RPA1: variants seen among roughly 807,000 people sequenced by gnomAD.
The protein encoded by RPA1 is replication protein A1.
RPA1 carries 49 observed loss-of-function variants against 83.0 expected under a neutral mutation model. That is an observed-to-expected ratio of 0.59 (90% CI 0.47 to 0.75). The LOEUF is 0.75. RPA1 is among the 30% of genes least tolerant of loss of function. The pLI, the probability that RPA1 is intolerant of heterozygous loss-of-function variation, is 0.00. For missense variants in RPA1, 693 were observed against 776.1 expected, an observed-to-expected ratio of 0.89 and a Z score of 1.27; for synonymous variants, 279 against 281.8, an observed-to-expected ratio of 0.99 and a Z score of 0.10.
At position 1,898,553 on chromosome 17, in the gene RPA1, G is replaced by C. The variant is rs1597467277; in HGVS notation, c.*1378G>C. 1 of 152,350 alleles carries C rather than the reference G, an allele frequency of 6.6e-6. No individual in the cohort carries two copies. The highest frequency in any genetic ancestry group is 1.9e-4 in the East Asian group (1 of 5,186). 9.4% of individuals were successfully genotyped at this position (152,350 alleles called of 1,614,324 possible). A position where few individuals can be genotyped will look rare whatever the true frequency, so the allele number is the denominator to read the frequency against. On this transcript the variant is annotated 3_prime_UTR_variant, in exon 17 of 17. Transcript: ENST00000254719. ...TCACTCTGCAGCCAGAGGACCTGCT[G>C]TTCATCACTGCACATGCCGCCTGCG...
chr17:1,875,733 C>G lies in RPA1; in HGVS notation c.527C>G (p.Thr176Ser). Residue 176 changes from threonine to serine, a missense_variant, in exon 7 of 17, where the codon ACT becomes AGT. Coordinates refer to ENST00000254719, the MANE Select transcript of RPA1 (RefSeq NM_002945.5). ...GCTGCAGGTCCCAGCCTGTCACACACTTCTGGGGGAACACAGTCCAAAGTG... is the reference window on the plus strand; with the variant it reads ...GCTGCAGGTCCCAGCCTGTCACACAGTTCTGGGGGAACACAGTCCAAAGTG... ...GKAAGPSLSHTSGGTQSKVVP... is the reference protein window; with the variant it reads ...GKAAGPSLSHSSGGTQSKVVP... 1 of 1,614,198 alleles carries G rather than the reference C, an allele frequency of 6.2e-7. No homozygotes were observed. The highest frequency in any genetic ancestry group is 8.5e-7 in the Non-Finnish European group (1 of 1,180,034).
At chr17:1,839,366 G>A (rs9900631) in intron 1 of RPA1, among the ~76,000 whole-genome samples, 2,493 of 149,084 alleles carry the variant, frequency 0.017, 63 homozygotes, top group African/African-American at 0.056. Context: ...TAGCTCTGTC[G>A]CCAGGCTGGA....
At chr17:1,862,082 C>T (rs1438533085) in intron 5 of RPA1, among the ~76,000 whole-genome samples, 2 of 150,730 alleles carry the variant, frequency 1.3e-5, no homozygotes, top group Non-Finnish European at 3.0e-5. Flanking sequence ...TCAGTAGAGA[C>T]GGGGTTTCAC....
chr17:1,899,822 T>A lies in RPA1; in HGVS notation c.*2647T>A, dbSNP rs1369335520. Reference sequence around the variant, plus strand: ...TTTATAGAGGATGAAACAGGTTGTTTGGTCTCCTTTTCTTCTTTTCACCTG... The same window carrying A: ...TTTATAGAGGATGAAACAGGTTGTTAGGTCTCCTTTTCTTCTTTTCACCTG... On this transcript the variant is annotated 3_prime_UTR_variant, in exon 17 of 17. Transcript: ENST00000254719. 1 of 152,228 alleles carries A rather than the reference T, an allele frequency of 6.6e-6. No homozygotes were observed. Among genetic ancestry groups the A allele is most frequent in the African/African-American group, 2.4e-5 (1 of 41,466 alleles). The allele number at this position is 152,228 out of a possible 1,614,324, so 9.4% of individuals were successfully genotyped here. A position where few individuals can be genotyped will look rare whatever the true frequency, so the allele number is the denominator to read the frequency against.
chr17:1,831,667 C>T (rs1344720522), intron 1 of RPA1, among the ~76,000 whole-genome samples: 14 of 149,482 alleles, frequency 9.4e-5, no homozygotes, highest in African/African-American at 2.7e-4. Context: ...GGCGCGATCT[C>T]GGCTCACTGC....
At chr17:1,843,827 C>A in intron 2 of RPA1, 93 bp from the exon 3 acceptor site, 2 of 934,100 alleles carry the variant, frequency 2.1e-6, no homozygotes, top group Non-Finnish European at 1.7e-6. Context: ...TTGTGTTGAA[C>A]TAATGGCAAA....
intron 1 of RPA1, among the ~76,000 whole-genome samples, chr17:1,840,585 A>AT (rs1055701364): frequency 6.6e-6 from 1 of 151,684 alleles, no homozygotes; most frequent in Non-Finnish European, 1.5e-5. Context: ...CACCTGGCTA[A>AT]TTTTTTATAG....
At chr17:1,874,009 A>AT (rs2151284646) in intron 6 of RPA1, among the ~76,000 whole-genome samples, 1 of 100,278 alleles carries the variant, frequency 1.0e-5, no homozygotes, top group African/African-American at 4.8e-5. Flanking sequence ...AAAAAAAAAA[A>AT]AAAATATATA....
chr17:1,859,535 CTTA>C (rs1912858050), intron 5 of RPA1, among the ~76,000 whole-genome samples: 3 of 152,094 alleles, frequency 2.0e-5, no homozygotes, highest in Admixed American at 2.0e-4. Context: ...TGAGTTGACT[CTTA>C]TTATTATGAA....
At chr17:1,879,816 G>C in intron 11 of RPA1, 117 bp downstream of exon 11, 2 of 1,331,826 alleles carry the variant, frequency 1.5e-6, no homozygotes, top group Non-Finnish European at 2.1e-6. Flanking sequence ...AGTTGGGGGA[G>C]GGAGTGGTCT....
intron 5 of RPA1, among the ~76,000 whole-genome samples, chr17:1,868,474 C>T (rs901481564): frequency 4.6e-5 from 7 of 152,070 alleles, no homozygotes; most frequent in African/African-American, 7.2e-5. Flanking sequence ...CCAAAATGTG[C>T]GTTGAAATTG....
At position 1,888,796 on chromosome 17, in the gene RPA1, G is replaced by A. The variant is rs147707606; in HGVS notation, c.1496G>A (p.Arg499His). The change falls in exon 14 of 17, where the codon CGC becomes CAC. Residue 499 changes from arginine to histidine, a missense_variant. Transcript: ENST00000254719. Reference sequence around the variant, plus strand: ...ATTGATCAACAGAATGGATTGTACCGCTGTGAGAAGTGCGACACCGAATTT... The same window carrying A: ...ATTGATCAACAGAATGGATTGTACCACTGTGAGAAGTGCGACACCGAATTT... ...KVIDQQNGLY[R>H]CEKCDTEFPN... The A allele has an allele frequency of 6.2e-6, 10 of 1,614,022 alleles. No homozygotes were observed. The highest frequency in any genetic ancestry group is 3.3e-5 in the Admixed American group (2 of 59,990).
At chr17:1,891,595 T>C in intron 14 of RPA1, 1 of 242,802 alleles carries the variant, frequency 4.1e-6, no homozygotes, top group South Asian at 1.1e-4. Context: ...AATTTTTGTA[T>C]TTTTCGTAGA....
chr17:1,860,230 T>A (rs1422813246), intron 5 of RPA1, among the ~76,000 whole-genome samples: 3 of 152,096 alleles, frequency 2.0e-5, no homozygotes. Context: ...AGGCTGCACC[T>A]GTAGTCTGGG....
At chr17:1,862,194 A>ATTTTTTTTTTTTTTTTTTTT (rs57509401) in intron 5 of RPA1, among the ~76,000 whole-genome samples, 1 of 93,182 alleles carries the variant, frequency 1.1e-5, no homozygotes, top group Non-Finnish European at 1.9e-5. Context: ...CCCCAACCGT[A>ATTTTTTTTTTTTTTTTTTTT]TTTTTTTTTT....
At chr17:1,834,171 C>G (rs1245336443) in intron 1 of RPA1, among the ~76,000 whole-genome samples, 4 of 151,890 alleles carry the variant, frequency 2.6e-5, no homozygotes, top group Non-Finnish European at 4.4e-5. Flanking sequence ...CAGAGTGAGA[C>G]TGTCTCAAAA....
At chr17:1,888,354 C>A (rs1671536898) in intron 13 of RPA1, among the ~76,000 whole-genome samples, 1 of 152,188 alleles carries the variant, frequency 6.6e-6, no homozygotes, top group Non-Finnish European at 1.5e-5. Flanking sequence ...CTTTGTCTTT[C>A]ATACAGTGTT....
At chr17:1,835,359 C>T (rs1179332860) in intron 1 of RPA1, among the ~76,000 whole-genome samples, 1 of 150,744 alleles carries the variant, frequency 6.6e-6, no homozygotes, top group East Asian at 2.0e-4. Context: ...GTTTCGCCAT[C>T]TTGCCTAAGC....
chr17:1,840,882 C>T (rs967287872), intron 1 of RPA1, among the ~76,000 whole-genome samples: 14 of 152,026 alleles, frequency 9.2e-5, no homozygotes, highest in African/African-American at 2.9e-4. Context: ...GCCTGGCCAA[C>T]GTAGTGAAAC....
Sources: gnomAD v4.1 joint callset for allele counts (sites outside exome capture counted in the v4.1 genomes callset) on GRCh38, gnomAD v4.1.1 for gene constraint, MANE v1.5 for transcripts, NCBI Gene and HGNC (gene_info 2026-07-23, HGNC 2026-07-21) for gene names.